GALNTL6: variants seen among roughly 807,000 people sequenced by gnomAD.
GALNTL6 encodes the protein polypeptide N-acetylgalactosaminyltransferase-like 6.
A neutral mutation model predicts 73.7 loss-of-function variants in GALNTL6; 46 were observed. The observed-to-expected ratio is 0.62, with a 90% confidence interval of 0.49 to 0.80. The LOEUF is 0.80. Ranked by LOEUF, GALNTL6 falls within the 30% of genes least tolerant of loss-of-function variation. The pLI, the probability that GALNTL6 is intolerant of heterozygous loss-of-function variation, is 0.00. For synonymous variants in GALNTL6, 259 were observed against 263.7 expected (o/e 0.98, Z 0.17); for missense variants, 604 against 755.0 (o/e 0.80, Z 2.34).
intron 5 of GALNTL6, among the ~76,000 whole-genome samples, chr4:172,593,195 A>G (rs1188885357): frequency 6.6e-6 from 1 of 152,022 alleles, no homozygotes; most frequent in Non-Finnish European, 1.5e-5. Context: ...TGGATCATTT[A>G]TAGACTTCTC....
chr4:172,383,702 T>G (rs1743366532), intron 5 of GALNTL6, among the ~76,000 whole-genome samples: 1 of 152,182 alleles, frequency 6.6e-6, no homozygotes, highest in African/African-American at 2.4e-5. Flanking sequence ...TCTTTCCTGC[T>G]TAAGTGTGAT....
chr4:172,196,070 A>G (rs554484420), intron 2 of GALNTL6, among the ~76,000 whole-genome samples: 6 of 151,396 alleles, frequency 4.0e-5, no homozygotes, highest in Admixed American at 3.9e-4. Context: ...GAAAAAAAAA[A>G]GAGAGAATAA....
intron 5 of GALNTL6, among the ~76,000 whole-genome samples, chr4:172,672,291 G>A (rs1732033633): frequency 6.6e-6 from 1 of 152,184 alleles, no homozygotes; most frequent in African/African-American, 2.4e-5. Flanking sequence ...TTTTAGTTCT[G>A]TTTATGTGAT....
Position 171,814,703 on chromosome 4 carries a change from G to A in GALNTL6, c.123G>A (p.Glu41=), listed in dbSNP as rs1560798622. The change falls in exon 2 of 13, where the codon GAG becomes GAA. Residue 41 remains glutamate (E), a synonymous_variant. Transcript: ENST00000506823. ...YKDKHLVKSA[E]PGEQQTFPLG... is the part of the protein sequence containing the mutation. ...ATAAGCACCTGGTGAAGTCAGCGGA[G>A]CCCGGGGAGCAGCAGGTAAGTGCCA... 64 of 1,613,998 alleles carry A rather than the reference G, an allele frequency of 4.0e-5. No homozygotes were observed. The highest frequency in any genetic ancestry group is 5.3e-5 in the Non-Finnish European group (63 of 1,180,032).
chr4:172,531,564 T>C (rs1735170627), intron 5 of GALNTL6, among the ~76,000 whole-genome samples: 1 of 152,162 alleles, frequency 6.6e-6, no homozygotes, highest in South Asian at 2.1e-4. Context: ...TGGAAACCAC[T>C]ACACATGGAC....
intron 2 of GALNTL6, among the ~76,000 whole-genome samples, chr4:171,956,892 C>T (rs567917155): frequency 6.6e-6 from 1 of 152,158 alleles, no homozygotes; most frequent in Non-Finnish European, 1.5e-5. Flanking sequence ...AGAGAGCCAG[C>T]CTTCCGAGTT....
At chr4:172,031,436 A>T (rs1023362961) in intron 2 of GALNTL6, among the ~76,000 whole-genome samples, 4 of 152,132 alleles carry the variant, frequency 2.6e-5, no homozygotes, top group African/African-American at 9.6e-5. Flanking sequence ...ATTTATTGTC[A>T]ATAGTGCTAC....
chr4:171,837,184 C>T (rs1735114245), intron 2 of GALNTL6, among the ~76,000 whole-genome samples: 1 of 152,032 alleles, frequency 6.6e-6, no homozygotes, highest in African/African-American at 2.4e-5. Context: ...GATATACAAC[C>T]TGAATCAAAT....
intron 2 of GALNTL6, among the ~76,000 whole-genome samples, chr4:171,938,962 AAATT>A (rs764726965): frequency 6.6e-6 from 1 of 152,122 alleles, no homozygotes; most frequent in Non-Finnish European, 1.5e-5. Flanking sequence ...AAAGATAAAT[AAATT>A]ATTAGCATAG....
chr4:172,437,498 A>G, intron 5 of GALNTL6, among the ~76,000 whole-genome samples: 1 of 152,144 alleles, frequency 6.6e-6, no homozygotes, highest in East Asian at 1.9e-4. Flanking sequence ...CAATTCAGAA[A>G]GGAAAGAAAA....
At chr4:172,357,724 A>C (rs1742214759) in intron 5 of GALNTL6, among the ~76,000 whole-genome samples, 1 of 151,800 alleles carries the variant, frequency 6.6e-6, no homozygotes, top group Non-Finnish European at 1.5e-5. Context: ...CAACACAAAA[A>C]AACCTGACTG....
intron 4 of GALNTL6, among the ~76,000 whole-genome samples, chr4:172,339,041 C>G (rs1209781790): frequency 1.3e-5 from 2 of 152,122 alleles, no homozygotes; most frequent in Non-Finnish European, 2.9e-5. Flanking sequence ...TGAGTGAGTG[C>G]TCTGAATGCC....
chr4:172,045,499 G>A (rs1742189851), intron 2 of GALNTL6, among the ~76,000 whole-genome samples: 2 of 151,486 alleles, frequency 1.3e-5, no homozygotes, highest in South Asian at 4.2e-4. Context: ...TTTTTTAAAG[G>A]GTCAAATGCC....
rs182966981 is a variant in GALNTL6 at position 172,395,480 on chromosome 4, A to G, written c.553+46791A>G. Among the ~76,000 whole-genome samples, 546 of 152,274 alleles carry G rather than the reference A, an allele frequency of 3.6e-3. 3 individuals are homozygous for G. The highest frequency in any genetic ancestry group is 8.9e-3 in the Admixed American group (136 of 15,280). On this transcript the variant is annotated intron_variant, in intron 5 of 12. Transcript: ENST00000506823. ...ATTGTTGTTACCTTGTGACCTTTAG[A>G]CTATCTTATTATTGTCAACATACAA...
intron 5 of GALNTL6, among the ~76,000 whole-genome samples, chr4:172,436,101 G>T (rs1433346346): frequency 6.6e-6 from 1 of 152,026 alleles, no homozygotes; most frequent in Non-Finnish European, 1.5e-5. Flanking sequence ...GTTATCCAGG[G>T]ACGTACATGA....
chr4:172,888,447 C>T (rs558656046), intron 8 of GALNTL6, among the ~76,000 whole-genome samples: 1 of 152,208 alleles, frequency 6.6e-6, no homozygotes, highest in African/African-American at 2.4e-5. Context: ...ATAGGAAGTC[C>T]TTTTCCTATT....
At chr4:172,343,181 T>C (rs1280576061) in intron 4 of GALNTL6, among the ~76,000 whole-genome samples, 2 of 152,200 alleles carry the variant, frequency 1.3e-5, no homozygotes, top group Admixed American at 1.3e-4. Flanking sequence ...AGCCATACTT[T>C]GAATAAGCTA....
rs78058991 is a variant in GALNTL6 at position 172,099,707 on chromosome 4, A to C, written c.139-129949A>C. 4.0e-3 allele frequency among the ~76,000 whole-genome samples: 603 copies of C among 152,324 alleles called. 4 individuals carry two copies. The highest frequency in any genetic ancestry group is 7.1e-3 in the Non-Finnish European group (485 of 68,006). On this transcript the variant is annotated intron_variant, in intron 2 of 12. Coordinates refer to ENST00000506823, the MANE Select transcript of GALNTL6 (RefSeq NM_001034845.3). Reference sequence around the variant, plus strand: ...AAACTTCAAATCATTTTTGAAAGAAAAATGAATGTTCATTGCATGCTGAAC... The same window carrying C: ...AAACTTCAAATCATTTTTGAAAGAACAATGAATGTTCATTGCATGCTGAAC...
chr4:172,429,175 A>AGTATTTTATT (rs1194180515), intron 5 of GALNTL6, among the ~76,000 whole-genome samples: 83 of 13,332 alleles, frequency 6.2e-3, no homozygotes, highest in African/African-American at 0.013. Context: ...ATTTTGTTTT[A>AGTATTTTATT]TTATTTTATT....
Sources: allele counts gnomAD v4.1 joint callset (sites outside exome capture counted in the v4.1 genomes callset), GRCh38; gene constraint gnomAD v4.1.1; transcripts MANE v1.5; gene names NCBI Gene and HGNC (gene_info 2026-07-23, HGNC 2026-07-21).